SLC25A38: variants seen among roughly 807,000 people sequenced by gnomAD.
The protein encoded by SLC25A38 is solute carrier family 25 member 38.
A neutral mutation model predicts 33.4 loss-of-function variants in SLC25A38; 27 were observed. The ratio of observed to expected loss-of-function variants is 0.81; its 90% CI spans 0.60 to 1.11. The LOEUF is 1.11. Among genes scored for constraint, SLC25A38 ranks in the 50% most tolerant of loss-of-function variants. The pLI is 0.00. For synonymous variants in SLC25A38, 123 were observed against 145.9 expected, an observed-to-expected ratio of 0.84 and a Z score of 1.13; for missense variants, 344 against 388.8, an observed-to-expected ratio of 0.88 and a Z score of 0.97.
At position 39,394,496 on chromosome 3, in the gene SLC25A38, G is replaced by A. The variant is rs2041807112; in HGVS notation, c.712G>A (p.Ala238Thr). 2.5e-6 allele frequency: 4 copies of A among 1,614,010 alleles called. No homozygotes were observed. The South Asian group carries it at 4.4e-5, about 18-fold the overall frequency. The change falls in exon 6 of 7, where the codon GCG becomes ACG. Residue 238 changes from alanine to threonine, a missense_variant. Ala to Thr is a moderately conservative substitution (Grantham distance 58). Transcript: ENST00000650617. ...GILASLVTQP[A>T]DVIKTHMQLY... ...TCTGGCCTCACTGGTAACTCAACCT[G>A]CGGATGTTATCAAAACTCATATGCA...
intron 1 of SLC25A38, chr3:39,388,618 T>C (rs78365272): frequency 0.024 from 3,582 of 152,310 alleles, 46 homozygotes; most frequent in East Asian, 0.052. Context: ...TGCCAAACAT[T>C]TTTGGAGAAG....
At position 39,389,942 on chromosome 3, in the gene SLC25A38, T is replaced by C. The variant is rs112859215; in HGVS notation, c.191+326T>C. On this transcript the variant is annotated intron_variant, in intron 2 of 6. Transcript: ENST00000650617. The surrounding 1 kb of genome is among the most constrained non-coding windows in gnomAD (Gnocchi z 4.5). ...CATCAGTATTATCTGTTTTTGTTTT[T>C]GTTTTATTTGTTTTTTGAGGCAGAT... Among the ~76,000 whole-genome samples the C allele has an allele frequency of 7.7e-3, 1,167 of 152,292 alleles. 14 individuals are homozygous for C. Among genetic ancestry groups the C allele is most frequent in the African/African-American group, 0.027 (1,131 of 41,542 alleles).
At chr3:39,385,482 G>A (rs1189807789) in intron 1 of SLC25A38, among the ~76,000 whole-genome samples, 2 of 152,094 alleles carry the variant, frequency 1.3e-5, no homozygotes, top group Non-Finnish European at 2.9e-5. Context: ...GGGAAGCAGC[G>A]CCTAACATAA....
At chr3:39,387,009 A>G (rs2041714690) in intron 1 of SLC25A38, among the ~76,000 whole-genome samples, 1 of 152,148 alleles carries the variant, frequency 6.6e-6, no homozygotes, top group Admixed American at 6.5e-5. Context: ...ATGAAGAGCC[A>G]TGGGAGTATG....
chr3:39,387,113 G>A (rs1018782535), intron 1 of SLC25A38, among the ~76,000 whole-genome samples: 10 of 152,132 alleles, frequency 6.6e-5, no homozygotes, highest in African/African-American at 2.4e-4. Flanking sequence ...AGGAGGGAGT[G>A]GTGGTGAATA....
intron 1 of SLC25A38, chr3:39,384,488 G>T: frequency 2.6e-6 from 1 of 385,902 alleles, no homozygotes; most frequent in Non-Finnish European, 4.6e-6. Flanking sequence ...GAGGTCTTGC[G>T]CCCGAGGTAG....
At chr3:39,395,400 T>C (rs1399672869) in intron 6 of SLC25A38, among the ~76,000 whole-genome samples, 2 of 132,126 alleles carry the variant, frequency 1.5e-5, no homozygotes, top group African/African-American at 2.6e-5. Context: ...TAAGGAGACT[T>C]TATTTAAATT....
chr3:39,388,789 C>T (rs1471695858), intron 1 of SLC25A38, among the ~76,000 whole-genome samples: 2 of 152,196 alleles, frequency 1.3e-5, no homozygotes, highest in Non-Finnish European at 2.9e-5. Flanking sequence ...GTGCTGGAAG[C>T]TGCAGCTCCT....
intron 5 of SLC25A38, among the ~76,000 whole-genome samples, chr3:39,393,064 C>A (rs537345942): frequency 1.3e-4 from 20 of 152,328 alleles, no homozygotes; most frequent in South Asian, 8.3e-4. Flanking sequence ...GTGGGCAGAT[C>A]TCTTGAGGCC....
chr3:39,390,556 C>A (rs747734683), intron 3 of SLC25A38, 49 bp downstream of exon 3: 2 of 1,563,336 alleles, frequency 1.3e-6, no homozygotes, highest in African/African-American at 1.4e-5. Context: ...TCCTTAATAA[C>A]CAGCTATTTC....
chr3:39,387,057 C>G (rs1198355926), intron 1 of SLC25A38, among the ~76,000 whole-genome samples: 1 of 151,958 alleles, frequency 6.6e-6, no homozygotes, highest in Non-Finnish European at 1.5e-5. Flanking sequence ...TGGGAGGAAA[C>G]CCAGGACAGT....
chr3:39,388,880 C>T (rs567726261), intron 1 of SLC25A38, among the ~76,000 whole-genome samples: 4 of 152,064 alleles, frequency 2.6e-5, no homozygotes, highest in African/African-American at 7.2e-5. Flanking sequence ...GTGTATATGA[C>T]GGTTCATGGG....
chr3:39,383,513 A>G lies in SLC25A38; in HGVS notation c.-212A>G, dbSNP rs2125571424. 1 of 600,552 alleles carries G rather than the reference A, an allele frequency of 1.7e-6. No individual in the cohort carries two copies. 37.2% of individuals were successfully genotyped at this position (600,552 alleles called of 1,614,324 possible). A position where few individuals can be genotyped will look rare whatever the true frequency, so the allele number is the denominator to read the frequency against. ...GTGAAGAGCGGCGCGTAATTCCCGC[A>G]GCAAGATTGTTCCGCGCCCGCAGCC... On this transcript the variant is annotated 5_prime_UTR_variant, in exon 1 of 7. Transcript: ENST00000650617.
chr3:39,389,727 A>G lies in SLC25A38; in HGVS notation c.191+111A>G. The G allele has an allele frequency of 7.1e-6, 11 of 1,549,674 alleles. No homozygotes were observed. In the South Asian group the frequency reaches 9.0e-5, roughly 13 times the overall value. On this transcript the variant is annotated intron_variant, in intron 2 of 6. Transcript: ENST00000650617. The surrounding 1 kb of genome is among the most constrained non-coding windows in gnomAD (Gnocchi z 4.5). ...CTGTTGGATGTTCAGAGAGAAACACAGGCCATGCCCAACTTTCATATGTTC... is the reference window on the plus strand; with the variant it reads ...CTGTTGGATGTTCAGAGAGAAACACGGGCCATGCCCAACTTTCATATGTTC...
chr3:39,386,694 G>T (rs545239672), intron 1 of SLC25A38, among the ~76,000 whole-genome samples: 1 of 152,320 alleles, frequency 6.6e-6, no homozygotes, highest in South Asian at 2.1e-4. Flanking sequence ...GAGATAACAG[G>T]GTTCTCAGCT....
chr3:39,387,151 C>A (rs2041715649), intron 1 of SLC25A38, among the ~76,000 whole-genome samples: 1 of 152,086 alleles, frequency 6.6e-6, no homozygotes. Context: ...GCCTAAGTAT[C>A]CTGGATTTTC....
intron 5 of SLC25A38, 71 bp from the exon 6 acceptor site, chr3:39,394,339 G>A (rs2041805561): frequency 6.3e-7 from 1 of 1,592,926 alleles, no homozygotes; most frequent in Non-Finnish European, 8.6e-7. Context: ...AGAATTGGTG[G>A]GCAACTTGCA....
rs1378318371 is a variant in SLC25A38, at chr3:39,396,587, C to T, written c.*67C>T. ...TGGTTTCTGCCAAGGGCTGCTGCTT[C>T]TTACTATTCTGCAGTAAGATGAAGT... On this transcript the variant is annotated 3_prime_UTR_variant, in exon 7 of 7. Transcript: ENST00000650617. 11 of 1,611,752 alleles carry T rather than the reference C, an allele frequency of 6.8e-6. No homozygotes were observed. Among genetic ancestry groups the T allele is most frequent in the Non-Finnish European group, 9.3e-6 (11 of 1,179,526 alleles).
intron 1 of SLC25A38, among the ~76,000 whole-genome samples, chr3:39,386,026 T>A (rs1358921530): frequency 6.6e-6 from 1 of 152,212 alleles, no homozygotes; most frequent in East Asian, 1.9e-4. Flanking sequence ...AACCAGCAGT[T>A]TGGACTTTAT....
Sources: gnomAD v4.1 joint callset for allele counts (sites outside exome capture counted in the v4.1 genomes callset) on GRCh38, gnomAD v4.1.1 for gene constraint, Gnocchi (gnomAD v3.1) non-coding constraint, MANE v1.5 for transcripts, NCBI Gene and HGNC (gene_info 2026-07-23, HGNC 2026-07-21) for gene names.